Variants in PSD3 observed in about 807,000 individuals in gnomAD.
The protein encoded by PSD3 is pleckstrin and Sec7 domain containing 3.
PSD3 carries 49 observed loss-of-function variants against 105.5 expected under a neutral mutation model. The ratio of observed to expected loss-of-function variants is 0.46; its 90% CI spans 0.37 to 0.59. PSD3 has a LOEUF of 0.59. Among genes scored for constraint, PSD3 ranks in the 20% least tolerant of loss-of-function variants. The pLI, the probability that PSD3 is intolerant of heterozygous loss-of-function variation, is 0.00. For synonymous variants in PSD3, 557 were observed against 457.8 expected (o/e 1.22, Z -2.77); for missense variants, 1,561 against 1,263.8 (o/e 1.24, Z -3.57).
chr8:18,905,358 C>T (rs1289158763), intron 2 of PSD3, among the ~76,000 whole-genome samples: 3 of 152,184 alleles, frequency 2.0e-5, no homozygotes, highest in African/African-American at 7.2e-5. Context: ...GAGTCTTGCT[C>T]TGTTGCCCAG....
intron 9 of PSD3, among the ~76,000 whole-genome samples, chr8:18,686,448 T>G (rs138514135): frequency 6.6e-6 from 1 of 152,346 alleles, no homozygotes; most frequent in East Asian, 1.9e-4. Context: ...TTTCTGCAAG[T>G]CAGGGAGAGA....
At chr8:18,739,493 A>C (rs989424214) in intron 9 of PSD3, among the ~76,000 whole-genome samples, 6 of 152,162 alleles carry the variant, frequency 3.9e-5, no homozygotes, top group Non-Finnish European at 8.8e-5. Context: ...ATAGGGTTGA[A>C]AATAAAGAAG....
chr8:18,655,403 A>C (rs993571226), intron 10 of PSD3, among the ~76,000 whole-genome samples: 1 of 152,118 alleles, frequency 6.6e-6, no homozygotes, highest in African/African-American at 2.4e-5. Flanking sequence ...GCAGAATAGG[A>C]ACACACTGAG....
intron 14 of PSD3, among the ~76,000 whole-genome samples, chr8:18,571,048 A>G (rs1802104375): frequency 6.6e-6 from 1 of 151,912 alleles, no homozygotes; most frequent in Admixed American, 6.6e-5. Flanking sequence ...TTTACTAGAG[A>G]CAGGGTTTTA....
chr8:18,879,260 C>T (rs972992017), intron 2 of PSD3, among the ~76,000 whole-genome samples: 1 of 152,084 alleles, frequency 6.6e-6, no homozygotes, highest in Non-Finnish European at 1.5e-5. Context: ...TCTGATATAA[C>T]AACTTGGCAA....
At chr8:18,591,028 C>G (rs1367809573) in intron 12 of PSD3, among the ~76,000 whole-genome samples, 3 of 152,264 alleles carry the variant, frequency 2.0e-5, no homozygotes, top group East Asian at 3.9e-4. Flanking sequence ...AGTCCCAGCT[C>G]CCATCTCCCC....
chr8:18,748,294 T>C (rs570869700), intron 9 of PSD3, among the ~76,000 whole-genome samples: 69 of 152,190 alleles, frequency 4.5e-4, no homozygotes, highest in Non-Finnish European at 4.6e-4. Flanking sequence ...TAAAAAGGTA[T>C]ATACAACTCT....
At chr8:18,939,684 C>T (rs1822397242) in intron 1 of PSD3, among the ~76,000 whole-genome samples, 1 of 152,134 alleles carries the variant, frequency 6.6e-6, no homozygotes, top group African/African-American at 2.4e-5. Flanking sequence ...TCTTTTGCAA[C>T]TCTATCTACA....
chr8:18,581,678 T>C (rs2130415188), intron 12 of PSD3, among the ~76,000 whole-genome samples: 1 of 152,330 alleles, frequency 6.6e-6, no homozygotes, highest in South Asian at 2.1e-4. Context: ...TCATGTTAAC[T>C]GGTGCTTTTT....
At chr8:18,972,429 T>C (rs1402370386) in intron 1 of PSD3, among the ~76,000 whole-genome samples, 1 of 152,228 alleles carries the variant, frequency 6.6e-6, no homozygotes, top group Non-Finnish European at 1.5e-5. Context: ...GGTCAGATTT[T>C]GACTCAACAT....
At chr8:18,545,393 G>T (rs1181372472) in intron 15 of PSD3, among the ~76,000 whole-genome samples, 1 of 151,968 alleles carries the variant, frequency 6.6e-6, no homozygotes, top group African/African-American at 2.4e-5. Flanking sequence ...TGATGGTTTT[G>T]ACTATAGCTG....
intron 8 of PSD3, among the ~76,000 whole-genome samples, chr8:18,795,441 A>G (rs900204912): frequency 6.6e-6 from 1 of 152,228 alleles, no homozygotes; most frequent in African/African-American, 2.4e-5. Context: ...GCTACTGAAA[A>G]TCTCAAGCCT....
intron 14 of PSD3, among the ~76,000 whole-genome samples, chr8:18,570,761 ATCT>A (rs1204501827): frequency 2.0e-5 from 3 of 152,140 alleles, no homozygotes; most frequent in East Asian, 1.9e-4. Flanking sequence ...TGCAAGTAGT[ATCT>A]TCTTCTAACA....
At chr8:18,621,623 G>A (rs1201755535) in intron 11 of PSD3, among the ~76,000 whole-genome samples, 1 of 152,128 alleles carries the variant, frequency 6.6e-6, no homozygotes, top group East Asian at 1.9e-4. Flanking sequence ...CACGTGACAA[G>A]GTGCTCCTGC....
chr8:18,934,057 T>C (rs934782515), intron 2 of PSD3, among the ~76,000 whole-genome samples: 1 of 152,200 alleles, frequency 6.6e-6, no homozygotes, highest in Non-Finnish European at 1.5e-5. Flanking sequence ...AGATATCTAA[T>C]AAATATTCAC....
intron 8 of PSD3, among the ~76,000 whole-genome samples, chr8:18,797,229 C>A (rs752637282): frequency 3.3e-5 from 5 of 152,194 alleles, no homozygotes; most frequent in Non-Finnish European, 5.9e-5. Context: ...CCAAGTATAT[C>A]GCACACATTT....
intron 9 of PSD3, among the ~76,000 whole-genome samples, chr8:18,751,280 C>T (rs1805469835): frequency 6.6e-6 from 1 of 152,198 alleles, no homozygotes; most frequent in Admixed American, 6.5e-5. Flanking sequence ...CAGCCGCTGG[C>T]CCGGGTGCTA....
intron 1 of PSD3, among the ~76,000 whole-genome samples, chr8:18,977,465 GC>G (rs1269499032): frequency 2.6e-5 from 4 of 152,054 alleles, no homozygotes; most frequent in Admixed American, 6.6e-5. Flanking sequence ...ATAGTCAGCA[GC>G]CAACTAATGT....
chr8:18,671,532 C>T (rs867904308), intron 9 of PSD3, among the ~76,000 whole-genome samples: 2 of 152,204 alleles, frequency 1.3e-5, no homozygotes, highest in Non-Finnish European at 2.9e-5. Context: ...TAAAGGTTAA[C>T]TTCCAAGGTA....
Sources: allele counts gnomAD v4.1 joint callset (sites outside exome capture counted in the v4.1 genomes callset), GRCh38; gene constraint gnomAD v4.1.1; transcripts MANE v1.5; gene names NCBI Gene and HGNC (gene_info 2026-07-23, HGNC 2026-07-21).